AKAP12: variants seen among roughly 807,000 people sequenced by gnomAD.
AKAP12 encodes the protein A-kinase anchor protein 12.
In AKAP12, 32 loss-of-function variants were observed where a neutral mutation model predicts 79.9. The observed-to-expected ratio is 0.40, with a 90% CI of 0.30 to 0.54. The LOEUF (loss-of-function observed/expected upper bound fraction) is 0.54, where lower values mean the gene tolerates loss of function less well. AKAP12 is among the 20% of genes least tolerant of loss of function. The pLI is 0.48. For missense variants in AKAP12, 2,074 were observed against 2,177.0 expected (o/e 0.95, Z 0.94); for synonymous variants, 808 against 857.0 (o/e 0.94, Z 1.00).
chr6:151,259,212 T>G (rs1402743294), intron 2 of AKAP12, among the ~76,000 whole-genome samples: 1 of 151,092 alleles, frequency 6.6e-6, no homozygotes, highest in Non-Finnish European at 1.5e-5. Context: ...GCCCCGTTAA[T>G]TTTTTGAATT....
At chr6:151,264,368 T>TAAA (rs11324571) in intron 2 of AKAP12, among the ~76,000 whole-genome samples, 2 of 104,708 alleles carry the variant, frequency 1.9e-5, no homozygotes, top group East Asian at 2.6e-4. Context: ...CCCCACCTCT[T>TAAA]AAAAAAAAAA....
At chr6:151,282,297 A>G (rs986906308) in intron 2 of AKAP12, among the ~76,000 whole-genome samples, 1 of 151,818 alleles carries the variant, frequency 6.6e-6, no homozygotes, top group Non-Finnish European at 1.5e-5. Context: ...TTTAGTAGAG[A>G]CAGGGTTTTG....
chr6:151,310,817 A>G (rs932500744), intron 3 of AKAP12, among the ~76,000 whole-genome samples: 1 of 152,200 alleles, frequency 6.6e-6, no homozygotes, highest in East Asian at 1.9e-4. Context: ...ATCACTTACA[A>G]TGCAGTTATT....
chr6:151,253,424 T>TG (rs1689552857), intron 2 of AKAP12, among the ~76,000 whole-genome samples: 1 of 152,206 alleles, frequency 6.6e-6, no homozygotes, highest in Non-Finnish European at 1.5e-5. Context: ...AGACAGGTCT[T>TG]GCTGTGTTGC....
At chr6:151,241,827 A>AG (rs1491482197) in intron 2 of AKAP12, among the ~76,000 whole-genome samples, 1 of 25,020 alleles carries the variant, frequency 4.0e-5, no homozygotes, top group Non-Finnish European at 1.2e-4. Flanking sequence ...TACAATATGC[A>AG]AAAAAAAAAA....
intron 2 of AKAP12, among the ~76,000 whole-genome samples, chr6:151,246,114 A>G (rs927230164): frequency 6.6e-6 from 1 of 152,180 alleles, no homozygotes; most frequent in African/African-American, 2.4e-5. Flanking sequence ...TGCAAGCTTT[A>G]TATGCATTTA....
intron 2 of AKAP12, among the ~76,000 whole-genome samples, chr6:151,243,532 C>T (rs868515823): frequency 7.9e-5 from 12 of 152,140 alleles, no homozygotes; most frequent in South Asian, 2.1e-4. Flanking sequence ...TCAGGCTTAA[C>T]GTTTAGATGC....
At chr6:151,278,673 GT>G (rs879843723) in intron 2 of AKAP12, among the ~76,000 whole-genome samples, 15 of 145,082 alleles carry the variant, frequency 1.0e-4, no homozygotes, top group Admixed American at 1.4e-4. Flanking sequence ...GTAGTGTCTA[GT>G]TTTTTTTTTT....
intron 2 of AKAP12, among the ~76,000 whole-genome samples, chr6:151,244,431 G>A (rs1797031800): frequency 6.6e-6 from 1 of 152,208 alleles, no homozygotes; most frequent in Non-Finnish European, 1.5e-5. Flanking sequence ...GGCTGGGACA[G>A]GAGAATGGCG....
chr6:151,244,272 C>T (rs141282380), intron 2 of AKAP12, among the ~76,000 whole-genome samples: 2 of 152,300 alleles, frequency 1.3e-5, no homozygotes, highest in East Asian at 3.9e-4. Context: ...CGCCTGTAAT[C>T]CCAGCACTTT....
intron 3 of AKAP12, chr6:151,341,899 A>G: frequency 1.2e-6 from 1 of 868,618 alleles, no homozygotes; most frequent in Non-Finnish European, 1.5e-6. Flanking sequence ...GTGGCATCCC[A>G]GCCCAGGCTG....
intron 3 of AKAP12, among the ~76,000 whole-genome samples, chr6:151,345,612 C>T (rs1778072467): frequency 1.3e-5 from 2 of 150,664 alleles, no homozygotes; most frequent in African/African-American, 4.9e-5. Flanking sequence ...GCCTGGCCAA[C>T]ATGGTGAAAC....
In AKAP12 at chr6:151,349,642, C is replaced by G. The variant is rs374351167; in HGVS notation, c.1251C>G (p.Ala417=). 53 of 1,613,184 alleles carry G rather than the reference C, an allele frequency of 3.3e-5. No individual in the cohort carries two copies. Among genetic ancestry groups the G allele is most frequent in the Non-Finnish European group, 4.3e-5 (51 of 1,179,788 alleles). Residue 417 remains alanine, a synonymous_variant, in exon 4 of 5, where the codon GCC becomes GCG. Transcript: ENST00000402676. ...AAGTCCACCAAGAAGAGGTTGTGGC[C>G]GAAGTCCACGTCAGCACCGTGGAGG... is the stretch of plus-strand genomic sequence containing the variant. ...KIEVHQEEVV[A]EVHVSTVEER... is the part of the protein sequence containing the mutation.
chr6:151,352,406 G>C lies in AKAP12; in HGVS notation c.4015G>C (p.Val1339Leu). 1 of 1,614,190 alleles carries C rather than the reference G, an allele frequency of 6.2e-7. No homozygotes were observed. Among genetic ancestry groups the C allele is most frequent in the East Asian group, 2.2e-5 (1 of 44,884 alleles). Residue 1339 changes from valine (V) to leucine (L), a missense_variant, in exon 4 of 5, where the codon GTT becomes CTT. By Grantham distance (32) the Val-to-Leu change is conservative. This residue lies in a region of AKAP12 where 614 missense variants were observed against 665.6 expected (regional missense o/e 0.92). Coordinates refer to ENST00000402676, the MANE Select transcript of AKAP12 (RefSeq NM_005100.4). ...PPSPVEREMV[V>L]QVEREKTEAE... ...ATCCCCCGTGGAGAGAGAGATGGTAGTTCAAGTCGAAAGGGAGAAAACAGA... is the reference window on the plus strand; with the variant it reads ...ATCCCCCGTGGAGAGAGAGATGGTACTTCAAGTCGAAAGGGAGAAAACAGA...
intron 2 of AKAP12, among the ~76,000 whole-genome samples, chr6:151,296,075 A>G (rs1776717290): frequency 6.6e-6 from 1 of 152,244 alleles, no homozygotes; most frequent in African/African-American, 2.4e-5. Context: ...TTTAAAGATC[A>G]GAGACTTCAT....
intron 2 of AKAP12, among the ~76,000 whole-genome samples, chr6:151,268,190 A>G (rs1169632307): frequency 6.6e-6 from 1 of 152,214 alleles, no homozygotes; most frequent in African/African-American, 2.4e-5. Context: ...AGGCAGGCGG[A>G]TCACCTGAGG....
At chr6:151,309,568 T>C (rs1341593466) in intron 3 of AKAP12, among the ~76,000 whole-genome samples, 1 of 152,160 alleles carries the variant, frequency 6.6e-6, no homozygotes, top group African/African-American at 2.4e-5. Context: ...CCTCCTATAA[T>C]GAAAACAGAA....
At chr6:151,321,903 G>GTTTTTTTTTT (rs11415941) in intron 3 of AKAP12, among the ~76,000 whole-genome samples, 23 of 67,322 alleles carry the variant, frequency 3.4e-4, no homozygotes, top group African/African-American at 5.5e-4. Context: ...TCAGCTTTAT[G>GTTTTTTTTTT]TTTTTTTTTT....
intron 2 of AKAP12, among the ~76,000 whole-genome samples, chr6:151,285,384 CTGTGTGTGTGTGTG>C (rs10680283): frequency 7.3e-6 from 1 of 136,462 alleles, no homozygotes; most frequent in African/African-American, 2.7e-5. Context: ...CTGCATTTCA[CTGTGTGTGTGTGTG>C]TGTGTGTGTG....
Sources: gnomAD v4.1 joint callset for allele counts (sites outside exome capture counted in the v4.1 genomes callset) on GRCh38, gnomAD v4.1.1 for gene constraint, gnomAD v4.1.1 regional missense constraint, MANE v1.5 for transcripts, NCBI Gene and HGNC (gene_info 2026-07-23, HGNC 2026-07-21) for gene names.